The following ROBO2 variants were observed in gnomAD, a reference collection of about 807,000 sequenced individuals.
ROBO2 encodes the protein roundabout guidance receptor 2.
Under a neutral mutation model 160.8 loss-of-function variants are expected in ROBO2, and 53 were observed. The observed-to-expected ratio is 0.33, with a 90% CI of 0.26 to 0.41. The LOEUF (loss-of-function observed/expected upper bound fraction) is 0.41, where lower values mean the gene tolerates loss of function less well. Ranked by LOEUF, ROBO2 falls within the 10% of genes least tolerant of loss-of-function variation. The pLI is 1.00. For synonymous variants in ROBO2, 664 were observed against 611.7 expected (o/e 1.09, Z -1.26); for missense variants, 1,577 against 1,722.4 (o/e 0.92, Z 1.49).
chr3:77,425,245 A>T (rs996347061), intron 2 of ROBO2, among the ~76,000 whole-genome samples: 1 of 152,014 alleles, frequency 6.6e-6, no homozygotes, highest in Admixed American at 6.5e-5. Flanking sequence ...TGGAGCTTTG[A>T]ACTAGTAAGG....
intron 7 of ROBO2, among the ~76,000 whole-genome samples, chr3:77,549,681 A>T (rs1559592634): frequency 6.6e-6 from 1 of 152,034 alleles, no homozygotes; most frequent in Non-Finnish European, 1.5e-5. Flanking sequence ...CATCATTTGC[A>T]GGATTAAAGT....
intron 2 of ROBO2, among the ~76,000 whole-genome samples, chr3:76,743,462 T>TA (rs80029600): frequency 6.6e-6 from 1 of 151,968 alleles, no homozygotes; most frequent in Non-Finnish European, 1.5e-5. Flanking sequence ...GACTTTTTTT[T>TA]AAAAAAAGAG....
chr3:77,485,746 G>A (rs1353421696), intron 4 of ROBO2, among the ~76,000 whole-genome samples: 1 of 152,060 alleles, frequency 6.6e-6, no homozygotes, highest in Non-Finnish European at 1.5e-5. Flanking sequence ...AGCAGAGAGT[G>A]TTGTTTTTGT....
chr3:77,398,129 C>A (rs9829945), intron 2 of ROBO2, among the ~76,000 whole-genome samples: 20,608 of 151,898 alleles, frequency 0.14, 1,537 homozygotes, highest in East Asian at 0.28. Context: ...AATGAGATAA[C>A]TAGGATCATT....
intron 2 of ROBO2, among the ~76,000 whole-genome samples, chr3:76,946,774 C>T (rs2078574665): frequency 6.6e-6 from 1 of 152,144 alleles, no homozygotes; most frequent in African/African-American, 2.4e-5. Flanking sequence ...CACTAACCTC[C>T]CCAAACTCCC....
intron 2 of ROBO2, among the ~76,000 whole-genome samples, chr3:76,817,695 C>T (rs998008050): frequency 6.6e-6 from 1 of 151,968 alleles, no homozygotes; most frequent in Non-Finnish European, 1.5e-5. Flanking sequence ...CATTCTTATG[C>T]CTTTGCATCC....
intron 2 of ROBO2, among the ~76,000 whole-genome samples, chr3:76,411,959 TTGTATTAGTCCA>T (rs759158302): frequency 8.5e-4 from 129 of 152,130 alleles, no homozygotes; most frequent in Non-Finnish European, 1.5e-3. Context: ...TGAAAATGCC[TTGTATTAGTCCA>T]TTTTCACGCT....
chr3:76,332,821 C>T (rs1423952631), intron 2 of ROBO2, among the ~76,000 whole-genome samples: 1 of 152,114 alleles, frequency 6.6e-6, no homozygotes, highest in Non-Finnish European at 1.5e-5. Flanking sequence ...AAACTTTACA[C>T]TGGATATCAA....
At chr3:76,190,584 A>G (rs553514215) in intron 2 of ROBO2, among the ~76,000 whole-genome samples, 1 of 152,258 alleles carries the variant, frequency 6.6e-6, no homozygotes, top group East Asian at 1.9e-4. Flanking sequence ...TAACTTTAAA[A>G]TGGTCACATG....
At chr3:77,483,740 A>C (rs1228351564) in intron 4 of ROBO2, among the ~76,000 whole-genome samples, 2 of 147,830 alleles carry the variant, frequency 1.4e-5, no homozygotes, top group East Asian at 1.9e-4. Context: ...TAAATATATT[A>C]TATTTTATTG....
At chr3:77,170,409 A>T (rs563103512) in intron 2 of ROBO2, among the ~76,000 whole-genome samples, 126 of 152,258 alleles carry the variant, frequency 8.3e-4, no homozygotes, top group African/African-American at 2.9e-3. Context: ...GTGGCTTATA[A>T]ATAATACCTT....
chr3:77,386,167 CATATTA>C (rs2074077653), intron 2 of ROBO2, among the ~76,000 whole-genome samples: 1 of 152,070 alleles, frequency 6.6e-6, no homozygotes, highest in South Asian at 2.1e-4. Flanking sequence ...ATCAGAAGTG[CATATTA>C]ATATTATCTC....
At chr3:76,124,568 G>T (rs1299598130) in intron 2 of ROBO2, among the ~76,000 whole-genome samples, 1 of 151,868 alleles carries the variant, frequency 6.6e-6, no homozygotes, top group Non-Finnish European at 1.5e-5. Context: ...GTTTTTTCTC[G>T]ACATCATTTT....
chr3:77,458,893 C>T (rs1034047114), intron 2 of ROBO2, among the ~76,000 whole-genome samples: 8 of 152,150 alleles, frequency 5.3e-5, no homozygotes, highest in African/African-American at 1.9e-4. Flanking sequence ...TGTCTATTTT[C>T]AAATCCTGGC....
chr3:76,261,208 A>G (rs1434198680), intron 2 of ROBO2, among the ~76,000 whole-genome samples: 2,010 of 100,436 alleles, frequency 0.02, 39 homozygotes, highest in African/African-American at 0.057. Context: ...GTGTGTATAT[A>G]TATATATAAA....
At chr3:77,347,662 G>T (rs770002006) in intron 2 of ROBO2, among the ~76,000 whole-genome samples, 4 of 151,926 alleles carry the variant, frequency 2.6e-5, no homozygotes, top group Non-Finnish European at 5.9e-5. Flanking sequence ...AATTATGATG[G>T]CCTTGTTAGA....
chr3:76,942,077 A>C (rs554847362), intron 2 of ROBO2, among the ~76,000 whole-genome samples: 4 of 152,352 alleles, frequency 2.6e-5, no homozygotes, highest in Non-Finnish European at 5.9e-5. Flanking sequence ...CAAAAGTTAC[A>C]GCAAGTATTG....
At chr3:77,390,012 A>G (rs995393565) in intron 2 of ROBO2, among the ~76,000 whole-genome samples, 1 of 152,204 alleles carries the variant, frequency 6.6e-6, no homozygotes, top group African/African-American at 2.4e-5. Context: ...CTATAAGTGT[A>G]TTTAAACAGC....
At chr3:76,031,602 C>G (rs1454270605) in intron 2 of ROBO2, among the ~76,000 whole-genome samples, 2 of 152,152 alleles carry the variant, frequency 1.3e-5, no homozygotes, top group African/African-American at 4.8e-5. Context: ...AAGGCCTTTT[C>G]TGAATCTATT....
Sources: gnomAD v4.1 joint callset for allele counts (sites outside exome capture counted in the v4.1 genomes callset) on GRCh38, gnomAD v4.1.1 for gene constraint, MANE v1.5 for transcripts, NCBI Gene and HGNC (gene_info 2026-07-23, HGNC 2026-07-21) for gene names.